The following DDX50 variants were observed in gnomAD, a reference collection of about 807,000 sequenced individuals.
The protein encoded by DDX50 is DExD-box helicase 50, also known as ATP-dependent RNA helicase DDX50.
DDX50 carries 56 observed loss-of-function variants against 94.8 expected under a neutral mutation model. That is an observed-to-expected ratio of 0.59 (90% CI 0.48 to 0.74). The LOEUF (loss-of-function observed/expected upper bound fraction) is 0.74, where lower values mean the gene tolerates loss of function less well. Among genes scored for constraint, DDX50 ranks in the 30% least tolerant of loss-of-function variants. The probability of loss-of-function intolerance (pLI) is 0.00; values close to 1 mark genes in which losing one functional copy is unlikely to be tolerated. For synonymous variants in DDX50, 264 were observed against 295.4 expected, an observed-to-expected ratio of 0.89 and a Z score of 1.09; for missense variants, 713 against 881.2, an observed-to-expected ratio of 0.81 and a Z score of 2.42.
At chr10:68,908,453 A>G (rs934169875) in intron 2 of DDX50, among the ~76,000 whole-genome samples, 6 of 140,716 alleles carry the variant, frequency 4.3e-5, no homozygotes, top group African/African-American at 1.7e-4. Context: ...CTCCATCTCA[A>G]AAAAAAAAAA....
chr10:68,910,962 T>C, intron 3 of DDX50, 106 bp from the exon 4 acceptor site: 1 of 857,544 alleles, frequency 1.2e-6, no homozygotes, highest in Non-Finnish European at 1.7e-6. Context: ...CCAGGTGGCA[T>C]GTCTTTAGGC....
intron 3 of DDX50, 148 bp from the exon 4 acceptor site, chr10:68,910,920 A>T: frequency 1.9e-6 from 1 of 516,420 alleles, no homozygotes; most frequent in Non-Finnish European, 3.2e-6. Flanking sequence ...ATTTTTTAGT[A>T]ATGCTTGTTT....
intron 8 of DDX50, 96 bp downstream of exon 8, chr10:68,920,077 A>G (rs1841901167): frequency 6.7e-7 from 1 of 1,486,290 alleles, no homozygotes; most frequent in African/African-American, 1.4e-5. Context: ...TTTGATAGTC[A>G]TTCTCAAAAC....
At chr10:68,926,014 CA>C (rs138926781) in intron 8 of DDX50, among the ~76,000 whole-genome samples, 143 of 118,132 alleles carry the variant, frequency 1.2e-3, no homozygotes, top group Admixed American at 3.3e-3. Context: ...ACTCTGTCTC[CA>C]AAAAAAAAAA....
chr10:68,922,229 A>G (rs960186386), intron 8 of DDX50, among the ~76,000 whole-genome samples: 1 of 152,102 alleles, frequency 6.6e-6, no homozygotes, highest in Non-Finnish European at 1.5e-5. Flanking sequence ...TGTGTTGCCC[A>G]CATGGGAGTG....
intron 7 of DDX50, among the ~76,000 whole-genome samples, chr10:68,917,756 C>T (rs1469819759): frequency 6.6e-6 from 1 of 152,096 alleles, no homozygotes; most frequent in Non-Finnish European, 1.5e-5. Context: ...GCATGCGCCA[C>T]CATGTCCGGC....
At chr10:68,940,991 A>G (rs916463802) in intron 12 of DDX50, 69 bp from the exon 13 acceptor site, 25 of 1,547,814 alleles carry the variant, frequency 1.6e-5, no homozygotes, top group Admixed American at 2.1e-5. Context: ...TTGAAGGATT[A>G]TAGAGTTAGA....
intron 1 of DDX50, among the ~76,000 whole-genome samples, chr10:68,904,842 G>GGT: frequency 6.6e-6 from 1 of 152,348 alleles, no homozygotes; most frequent in Non-Finnish European, 1.5e-5. Context: ...ATCATATGAT[G>GGT]TAATGTGTAA....
At position 68,919,564 on chromosome 10, in the gene DDX50, A is replaced by C. The variant is rs574189015; in HGVS notation, c.1090-268A>C. ...TAAGATGTTATTCGGCATTTTTTTT[A>C]AGGTTCATATTGTTCCATGTATATC... On this transcript the variant is annotated intron_variant, in intron 7 of 14. Transcript: ENST00000373585. Among the ~76,000 whole-genome samples, 4 of 152,196 alleles carry C rather than the reference A, an allele frequency of 2.6e-5. No individual in the cohort carries two copies. The South Asian group carries it at 8.3e-4, about 32-fold the overall frequency.
intron 8 of DDX50, among the ~76,000 whole-genome samples, chr10:68,930,030 G>C (rs1370986690): frequency 1.3e-5 from 2 of 150,674 alleles, no homozygotes; most frequent in Non-Finnish European, 2.9e-5. Context: ...ACTGTGCCCA[G>C]CCTGGTCCCT....
intron 7 of DDX50, among the ~76,000 whole-genome samples, chr10:68,917,930 C>CT (rs888306800): frequency 2.5e-4 from 37 of 145,822 alleles, no homozygotes; most frequent in Non-Finnish European, 2.7e-4. Flanking sequence ...ACATACATAT[C>CT]TTTTTTTTTT....
At chr10:68,939,601 A>C (rs1842508676) in intron 12 of DDX50, among the ~76,000 whole-genome samples, 1 of 152,134 alleles carries the variant, frequency 6.6e-6, no homozygotes, top group Non-Finnish European at 1.5e-5. Context: ...CTTAACTATT[A>C]CACAAGGCCT....
At chr10:68,903,988 A>G (rs1453955280) in intron 1 of DDX50, among the ~76,000 whole-genome samples, 1 of 147,140 alleles carries the variant, frequency 6.8e-6, no homozygotes, top group Non-Finnish European at 1.5e-5. Flanking sequence ...AAAAAAAAAA[A>G]AAAAAATTAG....
chr10:68,910,275 A>G (rs779511938), intron 2 of DDX50, 32 bp from the exon 3 acceptor site: 1 of 1,532,966 alleles, frequency 6.5e-7, no homozygotes, highest in Non-Finnish European at 8.9e-7. Flanking sequence ...GTTGAGTATA[A>G]ATTATTTAGG....
chr10:68,930,114 CTTTTTTTTTT>C (rs34023657), intron 8 of DDX50, among the ~76,000 whole-genome samples: 12 of 99,774 alleles, frequency 1.2e-4, no homozygotes, highest in South Asian at 3.3e-4. Context: ...CTTTCCTTTC[CTTTTTTTTTT>C]TTTTTTTTTT....
intron 8 of DDX50, 129 bp downstream of exon 8, chr10:68,920,110 T>G: frequency 9.0e-7 from 1 of 1,112,414 alleles, no homozygotes. Flanking sequence ...CTGGGCATGG[T>G]GGCCCACACC....
At chr10:68,925,392 G>A (rs1842058528) in intron 8 of DDX50, among the ~76,000 whole-genome samples, 1 of 152,014 alleles carries the variant, frequency 6.6e-6, no homozygotes, top group African/African-American at 2.4e-5. Flanking sequence ...TTACAGGCAT[G>A]AGCCACCGCG....
At chr10:68,927,757 C>T (rs1440623350) in intron 8 of DDX50, among the ~76,000 whole-genome samples, 3 of 152,168 alleles carry the variant, frequency 2.0e-5, no homozygotes, top group East Asian at 1.9e-4. Context: ...TTGAGACTAG[C>T]GTGGGCATTT....
At chr10:68,931,392 A>AAATAT (rs1256416800) in intron 8 of DDX50, among the ~76,000 whole-genome samples, 137 of 85,750 alleles carry the variant, frequency 1.6e-3, no homozygotes, top group East Asian at 0.015. Flanking sequence ...TAAAAAAAAA[A>AAATAT]ATATATATAT....
Sources: gnomAD v4.1 joint callset for allele counts (sites outside exome capture counted in the v4.1 genomes callset) on GRCh38, gnomAD v4.1.1 for gene constraint, MANE v1.5 for transcripts, NCBI Gene and HGNC (gene_info 2026-07-23, HGNC 2026-07-21) for gene names.